Variants in CPNE8 observed in about 807,000 individuals in gnomAD.
CPNE8 encodes copine-8.
Under a neutral mutation model 81.5 loss-of-function variants are expected in CPNE8, and 45 were observed. The ratio of observed to expected loss-of-function variants is 0.55; its 90% CI spans 0.44 to 0.71. CPNE8 has a LOEUF of 0.71. CPNE8 is among the 30% of genes least tolerant of loss of function. The pLI is 0.00. For synonymous variants in CPNE8, 252 were observed against 226.3 expected, an observed-to-expected ratio of 1.11 and a Z score of -1.02; for missense variants, 594 against 672.1, an observed-to-expected ratio of 0.88 and a Z score of 1.28.
At chr12:38,734,363 T>G (rs1165446882) in intron 10 of CPNE8, among the ~76,000 whole-genome samples, 3 of 151,984 alleles carry the variant, frequency 2.0e-5, no homozygotes, top group East Asian at 3.9e-4. Context: ...ACCTTCTCTA[T>G]CTCCTTAAAA....
At chr12:38,857,828 G>A (rs575992679) in intron 3 of CPNE8, among the ~76,000 whole-genome samples, 182 of 152,206 alleles carry the variant, frequency 1.2e-3, no homozygotes, top group Non-Finnish European at 2.2e-3. Context: ...CCCAGGAGGC[G>A]GAGGTTGCAG....
At chr12:38,825,025 C>T (rs553101076) in intron 6 of CPNE8, among the ~76,000 whole-genome samples, 3 of 152,292 alleles carry the variant, frequency 2.0e-5, no homozygotes, top group Non-Finnish European at 4.4e-5. Context: ...CAGGTTCACA[C>T]AGCAAGGCAG....
intron 13 of CPNE8, among the ~76,000 whole-genome samples, chr12:38,714,272 A>C (rs1437165206): frequency 1.3e-5 from 2 of 152,156 alleles, no homozygotes; most frequent in African/African-American, 4.8e-5. Context: ...TCATAACAGT[A>C]TGTAATTTGA....
At chr12:38,691,934 C>T (rs972470069) in intron 15 of CPNE8, among the ~76,000 whole-genome samples, 1 of 152,156 alleles carries the variant, frequency 6.6e-6, no homozygotes, top group Non-Finnish European at 1.5e-5. Flanking sequence ...AGCACCTGAA[C>T]TCTGGAGAGG....
At chr12:38,795,867 G>GGATGGATAGATAGATAGATAGATA (rs150549824) in intron 6 of CPNE8, among the ~76,000 whole-genome samples, 1 of 148,134 alleles carries the variant, frequency 6.8e-6, no homozygotes, top group Non-Finnish European at 1.5e-5. Flanking sequence ...ATGGATGGAT[G>GGATGGATAGATAGATAGATAGATA]GATAGATAGA....
At chr12:38,867,492 C>T (rs979567472) in intron 3 of CPNE8, among the ~76,000 whole-genome samples, 5 of 152,078 alleles carry the variant, frequency 3.3e-5, no homozygotes, top group African/African-American at 4.8e-5. Flanking sequence ...TAGTAATCGG[C>T]ATTTGAAAGC....
intron 10 of CPNE8, among the ~76,000 whole-genome samples, chr12:38,757,041 A>C (rs927894888): frequency 6.6e-6 from 1 of 152,186 alleles, no homozygotes; most frequent in East Asian, 1.9e-4. Flanking sequence ...TTACTTTGTA[A>C]TGTTATCACT....
In CPNE8 at chr12:38,829,453, G is replaced by C; in HGVS notation, c.333C>G (p.Asp111Glu). 6.2e-7 allele frequency: 1 copy of C among 1,609,280 alleles called. No individual in the cohort carries two copies. The highest frequency in any genetic ancestry group is 8.5e-7 in the Non-Finnish European group (1 of 1,175,910). Reference protein sequence around the residue: ...DSKSPNLSKHDFLGQVFCTLG... With the variant: ...DSKSPNLSKHEFLGQVFCTLG... ...ATGTACAAAACACTTGTCCCAGAAA[G>C]TCCTGAAATAGATAAAAAGATTAAA... The change falls in exon 6 of 20, where the codon GAC becomes GAG. Residue 111 changes from aspartate to glutamate, a missense_variant and splice_region_variant. Physicochemically the swap from Asp to Glu is conservative, Grantham distance 45 (BLOSUM62 2). Transcript: ENST00000331366.
At chr12:38,794,137 A>C (rs192124463) in intron 6 of CPNE8, among the ~76,000 whole-genome samples, 1 of 152,294 alleles carries the variant, frequency 6.6e-6, no homozygotes. Flanking sequence ...ATTGGTCTTG[A>C]CAATGATTTC....
chr12:38,762,323 C>T (rs928292662), intron 8 of CPNE8, 107 bp from the exon 9 acceptor site: 6 of 487,354 alleles, frequency 1.2e-5, no homozygotes, highest in African/African-American at 2.0e-5. Context: ...TAGTCAGTTC[C>T]GCTGTTGCTG....
intron 6 of CPNE8, among the ~76,000 whole-genome samples, chr12:38,788,190 G>A (rs1942240417): frequency 6.6e-6 from 1 of 151,820 alleles, no homozygotes; most frequent in Admixed American, 6.6e-5. Flanking sequence ...TATCTCTGAT[G>A]AATATTGATT....
At chr12:38,666,911 C>A (rs1330981639) in intron 19 of CPNE8, among the ~76,000 whole-genome samples, 1 of 152,058 alleles carries the variant, frequency 6.6e-6, no homozygotes, top group Non-Finnish European at 1.5e-5. Context: ...AATCAAAGTA[C>A]CTGTCACATA....
intron 10 of CPNE8, among the ~76,000 whole-genome samples, chr12:38,751,325 CT>C (rs1793444790): frequency 6.6e-6 from 1 of 151,992 alleles, no homozygotes; most frequent in African/African-American, 2.4e-5. Context: ...AAATATTCGC[CT>C]TTTTTAAAAA....
intron 13 of CPNE8, chr12:38,720,838 A>C (rs939703706): frequency 6.6e-6 from 1 of 152,302 alleles, no homozygotes; most frequent in African/African-American, 2.4e-5. Flanking sequence ...CACTGCAGTC[A>C]TCCAAGCCAC....
intron 6 of CPNE8, among the ~76,000 whole-genome samples, chr12:38,779,153 C>T (rs1029486495): frequency 2.8e-4 from 43 of 152,140 alleles, no homozygotes; most frequent in African/African-American, 1.0e-3. Flanking sequence ...CCTGAACACA[C>T]TTTACAATGC....
At chr12:38,780,028 G>T (rs1459547479) in intron 6 of CPNE8, among the ~76,000 whole-genome samples, 4 of 151,966 alleles carry the variant, frequency 2.6e-5, no homozygotes, top group Non-Finnish European at 5.9e-5. Flanking sequence ...TCTCTTCCAG[G>T]AGTTTCATTG....
At chr12:38,904,815 G>GAAAAC (rs1338287608) in intron 1 of CPNE8, among the ~76,000 whole-genome samples, 1 of 151,992 alleles carries the variant, frequency 6.6e-6, no homozygotes, top group African/African-American at 2.4e-5. Context: ...ATGTGGGCCC[G>GAAAAC]AAAACAAATC....
intron 6 of CPNE8, among the ~76,000 whole-genome samples, chr12:38,811,464 A>C (rs1942932982): frequency 6.6e-6 from 1 of 152,224 alleles, no homozygotes; most frequent in South Asian, 2.1e-4. Flanking sequence ...TTAAGCAAAA[A>C]AATCAAGTCA....
intron 6 of CPNE8, among the ~76,000 whole-genome samples, chr12:38,792,431 T>C (rs1488164638): frequency 6.6e-6 from 1 of 151,146 alleles, no homozygotes; most frequent in African/African-American, 2.4e-5. Context: ...ATGAAAAAAG[T>C]ATAAGAATAT....
Sources: gnomAD v4.1 joint callset for allele counts (sites outside exome capture counted in the v4.1 genomes callset) on GRCh38, gnomAD v4.1.1 for gene constraint, MANE v1.5 for transcripts, NCBI Gene and HGNC (gene_info 2026-07-23, HGNC 2026-07-21) for gene names.